PARD3B: variants seen among roughly 807,000 people sequenced by gnomAD.
The protein encoded by PARD3B is par-3 family cell polarity regulator beta, also known as partitioning defective 3 homolog B.
In PARD3B, 103 loss-of-function variants were observed where a neutral mutation model predicts 130.2. The observed-to-expected ratio is 0.79, with a 90% CI of 0.67 to 0.93. The LOEUF (loss-of-function observed/expected upper bound fraction) is 0.93. PARD3B is among the 40% of genes least tolerant of loss of function. The probability of loss-of-function intolerance (pLI) is 0.00; values close to 1 mark genes in which losing one functional copy is unlikely to be tolerated. For missense variants in PARD3B, 1,609 were observed against 1,499.2 expected, an observed-to-expected ratio of 1.07 and a Z score of -1.21; for synonymous variants, 583 against 553.2, an observed-to-expected ratio of 1.05 and a Z score of -0.76.
At chr2:205,154,741 T>C (rs530966936) in intron 10 of PARD3B, among the ~76,000 whole-genome samples, 2 of 152,300 alleles carry the variant, frequency 1.3e-5, no homozygotes, top group South Asian at 4.1e-4. Flanking sequence ...TTCATGTCCT[T>C]TGTAGGAACA....
At chr2:205,275,216 G>A (rs151085979) in intron 16 of PARD3B, among the ~76,000 whole-genome samples, 41 of 151,760 alleles carry the variant, frequency 2.7e-4, no homozygotes, top group African/African-American at 9.2e-4. Context: ...AAAGTCTCTC[G>A]AGTTTCACAG....
intron 1 of PARD3B, among the ~76,000 whole-genome samples, chr2:204,648,522 G>A (rs1156887240): frequency 7.2e-6 from 1 of 139,200 alleles, no homozygotes; most frequent in East Asian, 2.0e-4. Flanking sequence ...TTGTGGGCAA[G>A]CATATATTTA....
chr2:204,661,838 C>T (rs1485765995), intron 1 of PARD3B, among the ~76,000 whole-genome samples: 1 of 152,072 alleles, frequency 6.6e-6, no homozygotes, highest in South Asian at 2.1e-4. Context: ...TAAGGGAAGA[C>T]AGCTGGATTC....
chr2:205,251,117 TCTTTA>T (rs2039828915), intron 16 of PARD3B, among the ~76,000 whole-genome samples: 1 of 152,096 alleles, frequency 6.6e-6, no homozygotes, highest in African/African-American at 2.4e-5. Context: ...ATCTGATACA[TCTTTA>T]CTTGCGTTGT....
intron 2 of PARD3B, among the ~76,000 whole-genome samples, chr2:204,687,811 C>T (rs1450901264): frequency 6.6e-6 from 1 of 152,120 alleles, no homozygotes; most frequent in Non-Finnish European, 1.5e-5. Flanking sequence ...TCTTAAATTT[C>T]ACTGATGTCC....
intron 1 of PARD3B, among the ~76,000 whole-genome samples, chr2:204,555,818 T>G (rs2030885015): frequency 6.6e-6 from 1 of 152,202 alleles, no homozygotes; most frequent in African/African-American, 2.4e-5. Flanking sequence ...TCCACCTATC[T>G]GCTTCTTTCA....
chr2:205,208,898 G>A (rs1322598839), intron 15 of PARD3B, among the ~76,000 whole-genome samples: 1 of 138,432 alleles, frequency 7.2e-6, no homozygotes, highest in African/African-American at 2.9e-5. Flanking sequence ...CCAAAAAAGA[G>A]CCTGCATCGC....
chr2:204,904,571 TAA>T (rs1232179230), intron 2 of PARD3B, among the ~76,000 whole-genome samples: 2 of 152,160 alleles, frequency 1.3e-5, no homozygotes, highest in African/African-American at 4.8e-5. Context: ...TGAAAAAAAT[TAA>T]AATTTAATTT....
At chr2:204,866,587 C>T (rs956732093) in intron 2 of PARD3B, among the ~76,000 whole-genome samples, 1 of 151,842 alleles carries the variant, frequency 6.6e-6, no homozygotes, top group African/African-American at 2.4e-5. Context: ...CAAAAAAATA[C>T]AGTCAAAAGC....
chr2:205,088,568 G>C (rs1701884694), intron 4 of PARD3B, among the ~76,000 whole-genome samples: 1 of 152,114 alleles, frequency 6.6e-6, no homozygotes, highest in African/African-American at 2.4e-5. Context: ...ACTATGTTAA[G>C]TAAAAATCAA....
intron 1 of PARD3B, among the ~76,000 whole-genome samples, chr2:204,588,145 A>C (rs1454971107): frequency 6.6e-6 from 1 of 152,180 alleles, no homozygotes; most frequent in Non-Finnish European, 1.5e-5. Context: ...CTGACTTTAG[A>C]ACACAAACCA....
intron 22 of PARD3B, among the ~76,000 whole-genome samples, chr2:205,588,858 T>G (rs1442973348): frequency 6.6e-6 from 1 of 152,226 alleles, no homozygotes; most frequent in Non-Finnish European, 1.5e-5. Context: ...CCTGGCAAAC[T>G]CCAACTCTCA....
chr2:205,035,110 C>T lies in PARD3B; in HGVS notation c.395-12471C>T, dbSNP rs71427766. 1.3e-4 allele frequency among the ~76,000 whole-genome samples: 19 copies of T among 151,966 alleles called. No homozygotes were observed. In the East Asian group the frequency reaches 1.7e-3, roughly 14 times the overall value. On this transcript the variant is annotated intron_variant, in intron 3 of 22. Coordinates refer to ENST00000406610, the MANE Select transcript of PARD3B (RefSeq NM_001302769.2). Reference sequence around the variant, plus strand: ...ACTCCTAACCTCAGGTGATCCCCCCCCCTCAGCCTCCCAAAGTGCTGGGAT... The same window carrying T: ...ACTCCTAACCTCAGGTGATCCCCCCTCCTCAGCCTCCCAAAGTGCTGGGAT...
chr2:205,482,958 C>T (rs759402668), intron 20 of PARD3B, among the ~76,000 whole-genome samples: 1 of 152,018 alleles, frequency 6.6e-6, no homozygotes, highest in Non-Finnish European at 1.5e-5. Flanking sequence ...TCTGTCCTCC[C>T]AGCTGTGAGC....
intron 2 of PARD3B, among the ~76,000 whole-genome samples, chr2:204,786,986 T>A (rs2042031560): frequency 6.6e-6 from 1 of 152,090 alleles, no homozygotes; most frequent in African/African-American, 2.4e-5. Flanking sequence ...TGTCAATGTT[T>A]TGTTTCTTTA....
intron 16 of PARD3B, among the ~76,000 whole-genome samples, chr2:205,271,540 A>T (rs973214934): frequency 2.0e-5 from 3 of 152,238 alleles, no homozygotes; most frequent in African/African-American, 4.8e-5. Context: ...ACATGAGATA[A>T]CTATTACTCT....
At chr2:205,112,447 C>T (rs1003648355) in intron 5 of PARD3B, among the ~76,000 whole-genome samples, 9 of 152,074 alleles carry the variant, frequency 5.9e-5, no homozygotes, top group African/African-American at 2.2e-4. Flanking sequence ...AGCAAGAAGT[C>T]AAAATTTCAC....
intron 2 of PARD3B, among the ~76,000 whole-genome samples, chr2:204,717,823 G>C (rs1215013547): frequency 1.3e-5 from 2 of 152,150 alleles, no homozygotes; most frequent in Non-Finnish European, 2.9e-5. Flanking sequence ...CAGTAGCACA[G>C]ATGTGGCTGC....
chr2:204,734,336 C>T (rs1274789829), intron 2 of PARD3B, among the ~76,000 whole-genome samples: 1 of 152,150 alleles, frequency 6.6e-6, no homozygotes. Context: ...TTAGAATAGT[C>T]TAATCATTTT....
Sources: gnomAD v4.1 joint callset for allele counts (sites outside exome capture counted in the v4.1 genomes callset) on GRCh38, gnomAD v4.1.1 for gene constraint, MANE v1.5 for transcripts, NCBI Gene and HGNC (gene_info 2026-07-23, HGNC 2026-07-21) for gene names.